Variants in STK31 observed in about 807,000 individuals in gnomAD.
The protein encoded by STK31 is serine/threonine-protein kinase 31.
STK31 carries 89 observed loss-of-function variants against 129.7 expected under a neutral mutation model. That is an observed-to-expected ratio of 0.69 (90% CI 0.58 to 0.82). The LOEUF is 0.82. Among genes scored for constraint, STK31 ranks in the 40% least tolerant of loss-of-function variants. The pLI, the probability that STK31 is intolerant of heterozygous loss-of-function variation, is 0.00. For synonymous variants in STK31, 448 were observed against 395.3 expected (o/e 1.13, Z -1.58); for missense variants, 1,187 against 1,176.4 (o/e 1.01, Z -0.13).
At chr7:23,743,979 G>A (rs1320671949) in intron 8 of STK31, among the ~76,000 whole-genome samples, 1 of 151,776 alleles carries the variant, frequency 6.6e-6, no homozygotes. Context: ...GAGTGCAGTG[G>A]CACAATCACA....
chr7:23,755,898 G>A lies in STK31; in HGVS notation c.1293+1424G>A, dbSNP rs865941727. Reference sequence around the variant, plus strand: ...GTAGCATGCTGTTTTGGTTACTGTAGCCTTGTAGTATAGTTTGAAGTCAGG... The same window carrying A: ...GTAGCATGCTGTTTTGGTTACTGTAACCTTGTAGTATAGTTTGAAGTCAGG... On this transcript the variant is annotated intron_variant, in intron 10 of 23. Coordinates refer to ENST00000355870, the MANE Select transcript of STK31 (RefSeq NM_031414.5). 4.6e-5 allele frequency among the ~76,000 whole-genome samples: 7 copies of A among 152,300 alleles called. No homozygotes were observed. The South Asian group carries it at 1.2e-3, about 27-fold the overall frequency.
intron 16 of STK31, 83 bp from the exon 17 acceptor site, chr7:23,783,500 C>A: frequency 1.1e-6 from 1 of 948,908 alleles, no homozygotes; most frequent in Non-Finnish European, 1.6e-6. Flanking sequence ...AAGGTAGATG[C>A]TGATATATTT....
chr7:23,809,189 A>G (rs981230165), intron 22 of STK31, among the ~76,000 whole-genome samples: 2 of 149,770 alleles, frequency 1.3e-5, no homozygotes, highest in Non-Finnish European at 2.9e-5. Context: ...TTGATGTGAA[A>G]TGTGACTACT....
chr7:23,742,462 G>C (rs552949952), intron 8 of STK31, among the ~76,000 whole-genome samples: 2 of 152,320 alleles, frequency 1.3e-5, no homozygotes, highest in South Asian at 4.1e-4. Flanking sequence ...CCAGACTTGG[G>C]TGCCTGTGGG....
At chr7:23,765,518 C>T (rs970758434) in intron 11 of STK31, among the ~76,000 whole-genome samples, 13 of 148,442 alleles carry the variant, frequency 8.8e-5, no homozygotes, top group African/African-American at 2.7e-4. Flanking sequence ...TGTTTATCAT[C>T]GTTTCTTTTT....
intron 22 of STK31, among the ~76,000 whole-genome samples, chr7:23,792,911 C>G (rs971218113): frequency 6.6e-6 from 1 of 152,106 alleles, no homozygotes; most frequent in African/African-American, 2.4e-5. Flanking sequence ...GGTTCTAGCT[C>G]CTTGGTAGGC....
chr7:23,775,401 T>C (rs1790473721), intron 15 of STK31, among the ~76,000 whole-genome samples: 1 of 152,240 alleles, frequency 6.6e-6, no homozygotes, highest in Admixed American at 6.5e-5. Context: ...TAGCATTGAA[T>C]TTATAAATTA....
At position 23,784,064 on chromosome 7, in the gene STK31, A is replaced by G. The variant is rs141115816; in HGVS notation, c.2148+401A>G. Among the ~76,000 whole-genome samples, 389 of 152,268 alleles carry G rather than the reference A, an allele frequency of 2.6e-3. 1 individual carries two copies. The highest frequency in any genetic ancestry group is 8.7e-3 in the African/African-American group (363 of 41,554). ...TTAAAGCAGTCTGGGAAAAAATTCT[A>G]GAGAGGTTGGTTAAGGTAGAGATGT... On this transcript the variant is annotated intron_variant, in intron 17 of 23. Transcript: ENST00000355870.
chr7:23,719,693 A>G (rs1193244488), intron 4 of STK31, among the ~76,000 whole-genome samples: 4 of 152,120 alleles, frequency 2.6e-5, no homozygotes, highest in Admixed American at 2.6e-4. Context: ...TAAAACAGAT[A>G]CCTTCCATGA....
At chr7:23,773,061 A>G (rs1790300723) in intron 15 of STK31, among the ~76,000 whole-genome samples, 1 of 152,046 alleles carries the variant, frequency 6.6e-6, no homozygotes, top group Non-Finnish European at 1.5e-5. Context: ...GACTTTTGTT[A>G]TACTTTAAGT....
intron 11 of STK31, among the ~76,000 whole-genome samples, chr7:23,765,206 C>A (rs1032506628): frequency 6.6e-6 from 1 of 152,044 alleles, no homozygotes. Flanking sequence ...AGGCACACAC[C>A]ACCATGCCTG....
intron 6 of STK31, among the ~76,000 whole-genome samples, chr7:23,734,177 T>G (rs1468115134): frequency 6.6e-6 from 1 of 152,204 alleles, no homozygotes; most frequent in African/African-American, 2.4e-5. Context: ...TTTGCTTTGT[T>G]TGCATAAACT....
At chr7:23,831,942 A>T (rs543144692) in intron 23 of STK31, among the ~76,000 whole-genome samples, 194 bp from the exon 24 acceptor site, 2 of 151,964 alleles carry the variant, frequency 1.3e-5, no homozygotes, top group South Asian at 4.2e-4. Flanking sequence ...CAGCCAGATG[A>T]TCTATTTGCA....
chr7:23,799,768 ACAG>A (rs1392670344), intron 22 of STK31, among the ~76,000 whole-genome samples: 7 of 152,242 alleles, frequency 4.6e-5, no homozygotes, highest in Middle Eastern at 3.2e-3. Context: ...GAGCTTCTGC[ACAG>A]CAGAAGTGAA....
At chr7:23,750,308 C>T (rs1461440133) in intron 8 of STK31, among the ~76,000 whole-genome samples, 2 of 152,010 alleles carry the variant, frequency 1.3e-5, no homozygotes, top group East Asian at 3.9e-4. Context: ...AATTTCTGTT[C>T]CAGTATGTTG....
intron 22 of STK31, among the ~76,000 whole-genome samples, chr7:23,804,245 T>C (rs1792554482): frequency 6.6e-6 from 1 of 152,148 alleles, no homozygotes; most frequent in Non-Finnish European, 1.5e-5. Flanking sequence ...AGACACATTT[T>C]CAGTGTTGCT....
At chr7:23,710,364 G>T in intron 1 of STK31, 29 bp downstream of exon 1, 2 of 1,613,434 alleles carry the variant, frequency 1.2e-6, no homozygotes, top group African/African-American at 1.3e-5. Flanking sequence ...GGTACGTGCA[G>T]TGGTGGCCGC....
chr7:23,735,703 A>G lies in STK31; in HGVS notation c.649A>G (p.Arg217Gly), dbSNP rs948196547. Residue 217 changes from arginine (R) to glycine (G), a missense_variant, in exon 7 of 24, where the codon AGA becomes GGA. Transcript: ENST00000355870. ...GFAEKCRLAS[R>G]TDICEEKKLD... Reference sequence around the variant, plus strand: ...TGCAGAGAAATGCAGACTTGCTTCCAGAACTGACATCTGTGAGGAAAAAAA... The same window carrying G: ...TGCAGAGAAATGCAGACTTGCTTCCGGAACTGACATCTGTGAGGAAAAAAA... The G allele has an allele frequency of 8.7e-6, 14 of 1,614,128 alleles. No homozygotes were observed. Among genetic ancestry groups the G allele is most frequent in the Non-Finnish European group, 1.2e-5 (14 of 1,180,042 alleles).
chr7:23,719,193 T>C (rs1291822645), intron 4 of STK31, among the ~76,000 whole-genome samples: 1 of 152,058 alleles, frequency 6.6e-6, no homozygotes, highest in African/African-American at 2.4e-5. Flanking sequence ...TTAAAGTCAA[T>C]GATAAAGTCA....
Sources: gnomAD v4.1 joint callset for allele counts (sites outside exome capture counted in the v4.1 genomes callset) on GRCh38, gnomAD v4.1.1 for gene constraint, MANE v1.5 for transcripts, NCBI Gene and HGNC (gene_info 2026-07-23, HGNC 2026-07-21) for gene names.